Variants in AP4E1 observed in about 807,000 individuals in gnomAD.
AP4E1 encodes the protein AP-4 complex subunit epsilon-1.
In AP4E1, 56 loss-of-function variants were observed where a neutral mutation model predicts 128.2. That is an observed-to-expected ratio of 0.44 (90% CI 0.35 to 0.55). The LOEUF (loss-of-function observed/expected upper bound fraction) is 0.55, where lower values mean the gene tolerates loss of function less well. AP4E1 is among the 20% of genes least tolerant of loss of function. AP4E1 has a pLI of 0.00. For synonymous variants in AP4E1, 484 were observed against 473.1 expected, an observed-to-expected ratio of 1.02 and a Z score of -0.30; for missense variants, 1,324 against 1,307.7, an observed-to-expected ratio of 1.01 and a Z score of -0.19.
chr15:50,930,510 A>G (rs1392482187), intron 6 of AP4E1, among the ~76,000 whole-genome samples: 1 of 151,592 alleles, frequency 6.6e-6, no homozygotes, highest in Non-Finnish European at 1.5e-5. Context: ...TGTTTTAATT[A>G]CTGGTATTGG....
At chr15:50,940,147 C>G (rs955433111) in intron 8 of AP4E1, among the ~76,000 whole-genome samples, 1 of 152,094 alleles carries the variant, frequency 6.6e-6, no homozygotes, top group Admixed American at 6.6e-5. Flanking sequence ...TTTAGTTTGT[C>G]TAGTTCATGA....
upstream of AP4E1, chr15:50,908,677 A>C (rs777156091): frequency 8.4e-6 from 11 of 1,310,234 alleles, no homozygotes; most frequent in Non-Finnish European, 1.1e-5. Context: ...TATTCAAAAA[A>C]CAGGAAGTGC....
intron 10 of AP4E1, among the ~76,000 whole-genome samples, chr15:50,941,991 A>G (rs1019345217): frequency 6.6e-6 from 1 of 152,078 alleles, no homozygotes; most frequent in African/African-American, 2.4e-5. Context: ...ATCTCAACTC[A>G]CTGCAACTTC....
At chr15:50,973,977 T>G (rs1209074152) in intron 15 of AP4E1, among the ~76,000 whole-genome samples, 1 of 152,168 alleles carries the variant, frequency 6.6e-6, no homozygotes, top group Non-Finnish European at 1.5e-5. Flanking sequence ...GTATTTTTAT[T>G]TATTTAGAGA....
At chr15:50,990,438 A>G (rs1421977611) in intron 16 of AP4E1, among the ~76,000 whole-genome samples, 1 of 150,748 alleles carries the variant, frequency 6.6e-6, no homozygotes, top group Non-Finnish European at 1.5e-5. Flanking sequence ...GGCTCACTGC[A>G]TCCTCCGCTT....
chr15:50,923,698 G>A (rs2063734880), intron 3 of AP4E1, among the ~76,000 whole-genome samples: 1 of 152,170 alleles, frequency 6.6e-6, no homozygotes, highest in African/African-American at 2.4e-5. Flanking sequence ...GATACACATA[G>A]TGTCTATTCC....
chr15:50,955,299 CA>C (rs1181838057), intron 13 of AP4E1, among the ~76,000 whole-genome samples: 2 of 152,210 alleles, frequency 1.3e-5, no homozygotes, highest in Non-Finnish European at 2.9e-5. Context: ...GTCCCACCGA[CA>C]GTGTGAAAGT....
At chr15:50,929,230 T>TAA in intron 6 of AP4E1, 62 bp downstream of exon 6, 1 of 1,534,146 alleles carries the variant, frequency 6.5e-7, no homozygotes, top group Non-Finnish European at 9.0e-7. Context: ...ATTATGGAAT[T>TAA]AAAAAGAAAC....
At position 50,923,872 on chromosome 15, in the gene AP4E1, T is replaced by G. The variant is rs1053057349; in HGVS notation, c.347-59T>G. On this transcript the variant is annotated intron_variant, in intron 3 of 20. Coordinates refer to ENST00000261842, the MANE Select transcript of AP4E1 (RefSeq NM_007347.5). Reference sequence around the variant, plus strand: ...ACTTACAGGACTGCTTTGTTTAACTTCGTGTGAAAAGTCTGTTTTTGGTAG... The same window carrying G: ...ACTTACAGGACTGCTTTGTTTAACTGCGTGTGAAAAGTCTGTTTTTGGTAG... 8 of 1,294,314 alleles carry G rather than the reference T, an allele frequency of 6.2e-6. No homozygotes were observed. In the African/African-American group the frequency reaches 1.2e-4, roughly 19 times the overall value. The allele number at this position is 1,294,314 out of a possible 1,614,324, so 80.2% of individuals were successfully genotyped here.
intron 16 of AP4E1, among the ~76,000 whole-genome samples, chr15:50,988,620 A>T (rs1490641064): frequency 1.3e-5 from 2 of 152,062 alleles, no homozygotes; most frequent in Non-Finnish European, 2.9e-5. Context: ...CAGCCTATTT[A>T]TTATTGTATT....
intron 5 of AP4E1, among the ~76,000 whole-genome samples, chr15:50,928,643 CT>C (rs938393888): frequency 2.0e-5 from 3 of 147,706 alleles, no homozygotes; most frequent in African/African-American, 2.5e-5. Context: ...TTACTGTTGA[CT>C]TTTTTTTTCA....
chr15:50,909,243 T>A lies in AP4E1; in HGVS notation c.150+315T>A, dbSNP rs2063534729. Among the ~76,000 whole-genome samples the A allele has an allele frequency of 5.3e-5, 8 of 152,352 alleles. 1 individual carries two copies. The South Asian group carries it at 1.7e-3, about 32-fold the overall frequency. The stretch of plus-strand genomic sequence containing the variant: ...AAGTACTGATACATAATTCATAGGT[T>A]TTTTGTTTGTTTTGAGGATTGGGTG... On this transcript the variant is annotated intron_variant, in intron 1 of 20. Transcript: ENST00000261842.
chr15:50,958,574 A>G lies in AP4E1; in HGVS notation c.1631A>G (p.Asp544Gly), dbSNP rs779215721. The change falls in exon 14 of 21, where the codon GAC (aspartate) becomes GGC (glycine). Residue 544 changes from aspartate to glycine, a missense_variant. Coordinates refer to ENST00000261842, the MANE Select transcript of AP4E1 (RefSeq NM_007347.5). ...IAKLYKLLMN[D>G]SVSSETKAWL... Reference sequence around the variant, plus strand: ...AAGCTCTACAAGTTACTTATGAATGACTCTGTGTCTTCAGAAACAAAAGCC... The same window carrying G: ...AAGCTCTACAAGTTACTTATGAATGGCTCTGTGTCTTCAGAAACAAAAGCC... 6.2e-7 allele frequency: 1 copy of G among 1,614,038 alleles called. No individual in the cohort carries two copies. Among genetic ancestry groups the G allele is most frequent in the Non-Finnish European group, 8.5e-7 (1 of 1,179,992 alleles).
At chr15:50,981,391 T>G (rs2064640676) in intron 15 of AP4E1, among the ~76,000 whole-genome samples, 1 of 152,210 alleles carries the variant, frequency 6.6e-6, no homozygotes, top group East Asian at 1.9e-4. Flanking sequence ...GGCCTATTCC[T>G]CCCTTTTGGA....
At position 51,004,018 on chromosome 15, in the gene AP4E1, CA is replaced by C. The variant is rs2064993853; in HGVS notation, c.*1358del. ...AAAACAAAAGCAGTATTTTCTTTCT[CA>C]ATTAATTTTTAAGTTATTCATTAAA... On this transcript the variant is annotated 3_prime_UTR_variant, in exon 21 of 21. Coordinates refer to ENST00000261842, the MANE Select transcript of AP4E1 (RefSeq NM_007347.5). 1 of 152,176 alleles carries C rather than the reference CA, an allele frequency of 6.6e-6. No individual in the cohort carries two copies. The highest frequency in any genetic ancestry group is 2.4e-5 in the African/African-American group (1 of 41,438). 9.4% of individuals were successfully genotyped at this position (152,176 alleles called of 1,614,324 possible).
At chr15:50,941,800 A>T (rs1220855821) in intron 10 of AP4E1, 25 bp downstream of exon 10, 1 of 1,568,494 alleles carries the variant, frequency 6.4e-7, no homozygotes, top group Non-Finnish European at 8.8e-7. Context: ...TGAATAGTAT[A>T]TGTGAAGTGT....
intron 8 of AP4E1, among the ~76,000 whole-genome samples, chr15:50,938,640 G>T (rs530330728): frequency 5.3e-5 from 8 of 152,232 alleles, no homozygotes; most frequent in African/African-American, 1.9e-4. Context: ...TGTGGCCAGG[G>T]TTCGGAGGCG....
chr15:50,984,049 C>T lies in AP4E1; in HGVS notation c.1994C>T (p.Ser665Phe). Residue 665 changes from serine (S) to phenylalanine (F), a missense_variant, in exon 16 of 21, where the codon TCC becomes TTC. Transcript: ENST00000261842. ...KVLNFEPYGL[S>F]FSSSGFTGRQ... ...CTCAATTTTGAACCATATGGACTCT[C>T]CTTTTCTTCATCTGGCTTCACTGGA... 1 of 1,613,250 alleles carries T rather than the reference C, an allele frequency of 6.2e-7. No homozygotes were observed. Among genetic ancestry groups the T allele is most frequent in the Non-Finnish European group, 8.5e-7 (1 of 1,179,386 alleles).
At chr15:50,933,628 A>G (rs3784301) in intron 7 of AP4E1, among the ~76,000 whole-genome samples, 72,378 of 151,868 alleles carry the variant, frequency 0.48, 17,417 homozygotes, top group East Asian at 0.58. Context: ...ATCTTCTGAG[A>G]AAGAAATGCT....
Sources: allele counts gnomAD v4.1 joint callset (sites outside exome capture counted in the v4.1 genomes callset), GRCh38; gene constraint gnomAD v4.1.1; transcripts MANE v1.5; gene names NCBI Gene and HGNC (gene_info 2026-07-23, HGNC 2026-07-21).